Variants in FGD4 observed in about 807,000 individuals in gnomAD.
FGD4 encodes FYVE, RhoGEF and PH domain containing 4.
FGD4 carries 42 observed loss-of-function variants against 102.0 expected under a neutral mutation model. The ratio of observed to expected loss-of-function variants is 0.41; its 90% confidence interval spans 0.32 to 0.53. FGD4 has a LOEUF of 0.53. FGD4 is among the 20% of genes least tolerant of loss of function. The probability of loss-of-function intolerance (pLI) is 0.21; values close to 1 mark genes in which losing one functional copy is unlikely to be tolerated. For missense variants in FGD4, 902 were observed against 1,078.2 expected, an observed-to-expected ratio of 0.84 and a Z score of 2.29; for synonymous variants, 380 against 375.7, an observed-to-expected ratio of 1.01 and a Z score of -0.13.
At chr12:32,490,485 C>T (rs1039048939) in intron 1 of FGD4, among the ~76,000 whole-genome samples, 1 of 151,192 alleles carries the variant, frequency 6.6e-6, no homozygotes, top group African/African-American at 2.4e-5. Flanking sequence ...CAACCTCCAC[C>T]TCCCAGGTTC....
intron 1 of FGD4, among the ~76,000 whole-genome samples, chr12:32,500,152 A>T (rs904779928): frequency 5.3e-5 from 8 of 152,220 alleles, no homozygotes; most frequent in African/African-American, 1.4e-4. Flanking sequence ...GGTCTCAGAC[A>T]AATGAGGTTC....
chr12:32,486,035 C>A, intron 1 of FGD4: 2 of 1,479,378 alleles, frequency 1.4e-6, no homozygotes, highest in South Asian at 1.4e-5. Flanking sequence ...TACAGAATGC[C>A]TATAGTTTCT....
At chr12:32,594,860 T>C (rs1365786611) in intron 4 of FGD4, among the ~76,000 whole-genome samples, 8 of 152,048 alleles carry the variant, frequency 5.3e-5, no homozygotes, top group Admixed American at 3.3e-4. Context: ...TGAAACCCCG[T>C]CTCTACTAAA....
rs112925109 is a variant in FGD4 at position 32,637,654 on chromosome 12, G to A, written c.2314-1001G>A. 1,102 of 150,804 alleles carry A rather than the reference G, an allele frequency of 7.3e-3. 9 individuals carry two copies. The highest frequency in any genetic ancestry group is 0.027 in the Middle Eastern group (8 of 292). 9.3% of individuals were successfully genotyped at this position (150,804 alleles called of 1,614,324 possible). ...TAAGGCTTAATTGACTCACAGTTCC[G>A]CATGGCTGGGGAGGCCTCAGAAAAC... On this transcript the variant is annotated intron_variant, in intron 15 of 16. Coordinates refer to ENST00000534526, the MANE Select transcript of FGD4 (RefSeq NM_001370298.3).
Position 32,607,318 on chromosome 12 carries a change from C to T in FGD4, c.1405-639C>T, listed in dbSNP as rs77708999. 2.2e-3 allele frequency among the ~76,000 whole-genome samples: 328 copies of T among 152,182 alleles called. 3 individuals are homozygous for T. The East Asian group carries it at 0.052, about 24-fold the overall frequency. ...TGGGCATGGTGGCACGTGCCTATAG[C>T]TACTTGGAAGGCTGAGGTGGGAGGA... On this transcript the variant is annotated intron_variant, in intron 7 of 16. Coordinates refer to ENST00000534526, the MANE Select transcript of FGD4 (RefSeq NM_001370298.3).
At chr12:32,538,524 T>C (rs1462868419) in intron 1 of FGD4, among the ~76,000 whole-genome samples, 1 of 152,178 alleles carries the variant, frequency 6.6e-6, no homozygotes, top group Non-Finnish European at 1.5e-5. Flanking sequence ...TTCCTGCTAT[T>C]GGAAGCCTCA....
At chr12:32,438,044 A>C (rs1466150692) in intron 1 of FGD4, among the ~76,000 whole-genome samples, 1 of 152,210 alleles carries the variant, frequency 6.6e-6, no homozygotes, top group African/African-American at 2.4e-5. Flanking sequence ...GGCATACGCC[A>C]TCATGTCCGG....
intron 4 of FGD4, among the ~76,000 whole-genome samples, chr12:32,595,809 C>T (rs1354594928): frequency 6.6e-6 from 1 of 152,154 alleles, no homozygotes; most frequent in Non-Finnish European, 1.5e-5. Context: ...CTGCATAGTT[C>T]TTATTTCCAT....
At chr12:32,624,116 G>A (rs1017879692) in intron 11 of FGD4, among the ~76,000 whole-genome samples, 4 of 152,132 alleles carry the variant, frequency 2.6e-5, no homozygotes, top group East Asian at 3.9e-4. Context: ...TATATTCAGT[G>A]TAATGCTATA....
At chr12:32,404,157 C>T (rs1940821506) in intron 1 of FGD4, among the ~76,000 whole-genome samples, 1 of 148,956 alleles carries the variant, frequency 6.7e-6, no homozygotes, top group African/African-American at 2.5e-5. Flanking sequence ...TTTGTTGTAT[C>T]TGAGTATTTG....
intron 1 of FGD4, among the ~76,000 whole-genome samples, chr12:32,527,180 T>C (rs928154018): frequency 1.6e-4 from 24 of 152,222 alleles, no homozygotes; most frequent in South Asian, 4.1e-4. Flanking sequence ...ACTAGGATGC[T>C]CTTTTAAAAA....
At chr12:32,401,713 T>C (rs2733695) in intron 1 of FGD4, among the ~76,000 whole-genome samples, 10,914 of 148,588 alleles carry the variant, frequency 0.073, 701 homozygotes, top group East Asian at 0.17. Flanking sequence ...CTCTGCTTTT[T>C]CTCTTTTCCA....
At chr12:32,401,309 G>C (rs1477648944) in intron 1 of FGD4, among the ~76,000 whole-genome samples, 3 of 152,194 alleles carry the variant, frequency 2.0e-5, no homozygotes, top group Non-Finnish European at 4.4e-5. Flanking sequence ...GCCCAAGCTG[G>C]AGTGCAGTGG....
intron 1 of FGD4, among the ~76,000 whole-genome samples, chr12:32,486,448 T>A (rs1179041513): frequency 6.6e-6 from 1 of 152,244 alleles, no homozygotes; most frequent in African/African-American, 2.4e-5. Flanking sequence ...GTAGTGGAAG[T>A]GAGTAAGTGC....
intron 4 of FGD4, among the ~76,000 whole-genome samples, chr12:32,596,025 C>T (rs538009542): frequency 5.2e-4 from 79 of 152,256 alleles, no homozygotes; most frequent in African/African-American, 1.8e-3. Flanking sequence ...AGCATTTATA[C>T]GCAGTTTAAA....
intron 1 of FGD4, among the ~76,000 whole-genome samples, chr12:32,443,993 T>A (rs947608320): frequency 6.6e-6 from 1 of 151,526 alleles, no homozygotes; most frequent in African/African-American, 2.4e-5. Flanking sequence ...AATTCACCCA[T>A]GTAAAGTGGA....
chr12:32,574,675 C>G (rs1221146517), intron 2 of FGD4: 2 of 152,116 alleles, frequency 1.3e-5, no homozygotes, highest in Non-Finnish European at 1.5e-5. Flanking sequence ...TTCATTGTGA[C>G]ATTTCTTTCC....
intron 1 of FGD4, among the ~76,000 whole-genome samples, chr12:32,461,554 C>T (rs898201441): frequency 2.0e-5 from 3 of 152,076 alleles, no homozygotes; most frequent in Non-Finnish European, 2.9e-5. Context: ...TTTGAATCCA[C>T]GTATTTGCAC....
At chr12:32,637,930 C>G (rs974974844) in intron 15 of FGD4, 5 of 152,580 alleles carry the variant, frequency 3.3e-5, no homozygotes, top group African/African-American at 1.2e-4. Context: ...CAAGGCCTAA[C>G]CATATCACTC....
Sources: allele counts gnomAD v4.1 joint callset (sites outside exome capture counted in the v4.1 genomes callset), GRCh38; gene constraint gnomAD v4.1.1; transcripts MANE v1.5; gene names NCBI Gene and HGNC (gene_info 2026-07-23, HGNC 2026-07-21).